DMD: variants seen among roughly 807,000 people sequenced by gnomAD.
DMD encodes dystrophin, also known as mutant dystrophin.
Under a neutral mutation model 330.1 loss-of-function variants are expected in DMD, and 63 were observed. The ratio of observed to expected loss-of-function variants is 0.19; its 90% CI spans 0.16 to 0.24. The LOEUF is 0.24. DMD is among the 10% of genes least tolerant of loss of function. The pLI, the probability that DMD is intolerant of heterozygous loss-of-function variation, is 1.00. For missense variants in DMD, 3,344 were observed against 2,684.1 expected, an observed-to-expected ratio of 1.25 and a Z score of -5.43; for synonymous variants, 1,223 against 959.8, an observed-to-expected ratio of 1.27 and a Z score of -5.07.
intron 50 of DMD, among the ~76,000 whole-genome samples, chrX:31,788,565 T>C (rs1042540184): frequency 1.8e-5 from 2 of 111,553 alleles, no homozygotes; most frequent in African/African-American, 3.2e-5. Flanking sequence ...AGATGAGATG[T>C]ACTGTATATG....
At chrX:32,422,577 T>C (rs772190096) in intron 29 of DMD, among the ~76,000 whole-genome samples, 30 of 111,729 alleles carry the variant, frequency 2.7e-4, no homozygotes, top group Admixed American at 4.8e-4. Context: ...ATACGAAACA[T>C]AGTGAGGTAG....
intron 4 of DMD, among the ~76,000 whole-genome samples, chrX:32,842,979 G>A (rs778134521): frequency 9.0e-6 from 1 of 110,628 alleles, no homozygotes; most frequent in East Asian, 2.9e-4. Context: ...GCTAATTTTT[G>A]TATTTTTTAG....
intron 44 of DMD, among the ~76,000 whole-genome samples, chrX:32,073,692 G>A (rs886198658): frequency 9.0e-6 from 1 of 111,399 alleles, no homozygotes; most frequent in Non-Finnish European, 1.9e-5. Context: ...TTTATTTGGT[G>A]ACTTAATAGA....
intron 44 of DMD, among the ~76,000 whole-genome samples, chrX:32,040,612 T>C (rs189077094): frequency 1.8e-5 from 2 of 111,002 alleles, no homozygotes; most frequent in East Asian, 2.9e-4. Flanking sequence ...GCAAGAAAAT[T>C]AGATGCTTGT....
At chrX:32,409,027 C>T (rs2098131377) in intron 30 of DMD, among the ~76,000 whole-genome samples, 1 of 110,840 alleles carries the variant, frequency 9.0e-6, no homozygotes, top group Non-Finnish European at 1.9e-5. Context: ...TATGTTATTT[C>T]ACTATCTAAC....
intron 60 of DMD, among the ~76,000 whole-genome samples, chrX:31,384,305 G>C (rs1286802735): frequency 1.1e-5 from 1 of 88,520 alleles, no homozygotes; most frequent in Non-Finnish European, 2.2e-5. Flanking sequence ...GTAATATCCT[G>C]CTTCACTACT....
chrX:31,434,557 A>G (rs1330062176), intron 60 of DMD, among the ~76,000 whole-genome samples: 1 of 110,729 alleles, frequency 9.0e-6, no homozygotes, highest in Non-Finnish European at 1.9e-5. Context: ...GATTTAAAAA[A>G]TTACTGTCTG....
intron 1 of DMD, among the ~76,000 whole-genome samples, chrX:33,300,578 TA>T (rs2053647685): frequency 8.9e-6 from 1 of 111,766 alleles, no homozygotes; most frequent in African/African-American, 3.2e-5. Context: ...TATTATAAGG[TA>T]GTGCCTTTGG....
At chrX:32,029,845 C>A (rs1427755429) in intron 44 of DMD, among the ~76,000 whole-genome samples, 1 of 111,608 alleles carries the variant, frequency 9.0e-6, no homozygotes, top group East Asian at 2.8e-4. Flanking sequence ...TCTCCGGTAA[C>A]CTTTCCCCCA....
At chrX:32,531,650 A>C (rs1192419064) in intron 17 of DMD, among the ~76,000 whole-genome samples, 2 of 111,666 alleles carry the variant, frequency 1.8e-5, no homozygotes, top group African/African-American at 6.5e-5. Flanking sequence ...ATTTAGTTTC[A>C]ATACACAGTG....
At chrX:32,263,585 A>G (rs1453464596) in intron 43 of DMD, among the ~76,000 whole-genome samples, 4 of 112,311 alleles carry the variant, frequency 3.6e-5, no homozygotes, top group Non-Finnish European at 7.5e-5. Context: ...TCACTTTTCA[A>G]TAAACGAAAT....
intron 1 of DMD, among the ~76,000 whole-genome samples, chrX:33,207,488 G>A (rs1054639828): frequency 2.7e-5 from 3 of 111,270 alleles, no homozygotes; most frequent in Non-Finnish European, 5.7e-5. Context: ...TCTCCCATTC[G>A]AAGGGGTTAT....
chrX:32,173,272 G>A (rs1232433950), intron 44 of DMD, among the ~76,000 whole-genome samples: 2 of 110,359 alleles, frequency 1.8e-5, no homozygotes, highest in Non-Finnish European at 3.8e-5. Flanking sequence ...CATGACATAA[G>A]AATCAAGTTT....
chrX:32,883,177 C>A (rs2084126410), intron 2 of DMD, among the ~76,000 whole-genome samples: 1 of 111,825 alleles, frequency 8.9e-6, no homozygotes, highest in South Asian at 3.7e-4. Flanking sequence ...CCAAAAGGAA[C>A]CCAAGGAAAT....
intron 11 of DMD, among the ~76,000 whole-genome samples, chrX:32,615,217 G>C (rs1013431123): frequency 2.7e-5 from 3 of 111,299 alleles, no homozygotes; most frequent in Non-Finnish European, 5.7e-5. Context: ...CATTAAGTTT[G>C]GACGTCATTT....
chrX:32,841,147 G>A (rs1193210393), intron 4 of DMD, among the ~76,000 whole-genome samples: 2 of 110,951 alleles, frequency 1.8e-5, no homozygotes, highest in African/African-American at 3.3e-5. Flanking sequence ...TACTGCTGAG[G>A]TTAAACATTT....
At chrX:32,760,602 G>C (rs1455615427) in intron 7 of DMD, among the ~76,000 whole-genome samples, 1 of 111,941 alleles carries the variant, frequency 8.9e-6, no homozygotes, top group Non-Finnish European at 1.9e-5. Flanking sequence ...TAAATGCTTG[G>C]TGAATGAATT....
At chrX:31,711,924 C>G (rs960620540) in intron 52 of DMD, among the ~76,000 whole-genome samples, 5 of 110,811 alleles carry the variant, frequency 4.5e-5, no homozygotes, top group Non-Finnish European at 9.4e-5. Context: ...TTTTAAAGTA[C>G]GCATTTTGGG....
chrX:32,248,702 AATT>A (rs964654690), intron 43 of DMD, among the ~76,000 whole-genome samples: 2 of 110,867 alleles, frequency 1.8e-5, no homozygotes, highest in African/African-American at 6.5e-5. Flanking sequence ...CCACGTAATT[AATT>A]ATTAATTGCT....
Sources: gnomAD v4.1 joint callset for allele counts (sites outside exome capture counted in the v4.1 genomes callset) on GRCh38, gnomAD v4.1.1 for gene constraint, MANE v1.5 for transcripts, NCBI Gene and HGNC (gene_info 2026-07-23, HGNC 2026-07-21) for gene names.